Variants in KIF5C observed in about 807,000 individuals in gnomAD.
KIF5C encodes kinesin heavy chain isoform 5C.
In KIF5C, 18 loss-of-function variants were observed where a neutral mutation model predicts 125.2. The ratio of observed to expected loss-of-function variants is 0.14; its 90% CI spans 0.10 to 0.21. KIF5C has a LOEUF of 0.21. Among genes scored for constraint, KIF5C ranks in the 10% least tolerant of loss-of-function variants. The pLI is 1.00. For missense variants in KIF5C, 780 were observed against 1,183.8 expected, an observed-to-expected ratio of 0.66 and a Z score of 5.01; for synonymous variants, 405 against 434.0, an observed-to-expected ratio of 0.93 and a Z score of 0.83.
chr2:148,909,459 A>C (rs561020326), intron 1 of KIF5C, among the ~76,000 whole-genome samples: 3 of 152,228 alleles, frequency 2.0e-5, no homozygotes, highest in Non-Finnish European at 4.4e-5. Flanking sequence ...TCAGAATGAA[A>C]GCTTCGTAAA....
At chr2:148,899,992 C>T (rs571828118) in intron 1 of KIF5C, among the ~76,000 whole-genome samples, 2 of 152,316 alleles carry the variant, frequency 1.3e-5, no homozygotes, top group African/African-American at 4.8e-5. Flanking sequence ...TCAGCTCAAA[C>T]CGATGCAGAG....
At chr2:148,881,426 TTC>T (rs1325977750) in intron 1 of KIF5C, among the ~76,000 whole-genome samples, 1 of 152,184 alleles carries the variant, frequency 6.6e-6, no homozygotes, top group African/African-American at 2.4e-5. Context: ...CTTTTTCTTT[TTC>T]TTTTTTTAAT....
chr2:148,914,069 T>C (rs1574731515), intron 1 of KIF5C, among the ~76,000 whole-genome samples: 1 of 152,228 alleles, frequency 6.6e-6, no homozygotes, highest in East Asian at 1.9e-4. Context: ...ATTATTGTGA[T>C]AGCTTGTTAG....
intron 15 of KIF5C, among the ~76,000 whole-genome samples, chr2:148,986,524 A>T (rs1297365958): frequency 6.6e-6 from 1 of 152,218 alleles, no homozygotes; most frequent in Non-Finnish European, 1.5e-5. Context: ...CTCAGAAATT[A>T]CTTGACTTCT....
Position 148,981,516 on chromosome 2 carries a change from G to A in KIF5C, c.1524G>A (p.Lys508=). The A allele has an allele frequency of 6.2e-7, 1 of 1,606,050 alleles. No individual in the cohort carries two copies. Among genetic ancestry groups the A allele is most frequent in the Non-Finnish European group, 8.5e-7 (1 of 1,176,326 alleles). The change falls in exon 14 of 26, where the codon AAG becomes AAA. Residue 508 remains lysine, a synonymous_variant. Transcript: ENST00000435030. Reference sequence around the variant, plus strand: ...AGAAATCACAGGAAGTGGAGGATAAGACCCGGGCCAATGAGCAGCTGACAG... The same window carrying A: ...AGAAATCACAGGAAGTGGAGGATAAAACCCGGGCCAATGAGCAGCTGACAG... ...YDQKSQEVED[K]TRANEQLTDE...
At chr2:149,010,003 T>C in intron 23 of KIF5C, 132 bp from the exon 24 acceptor site, 1 of 1,375,910 alleles carries the variant, frequency 7.3e-7, no homozygotes, top group Non-Finnish European at 9.6e-7. Flanking sequence ...TTCCTTTCTG[T>C]GGTTGTACGG....
At chr2:148,967,369 A>C (rs1054049291) in intron 11 of KIF5C, among the ~76,000 whole-genome samples, 1 of 152,238 alleles carries the variant, frequency 6.6e-6, no homozygotes, top group African/African-American at 2.4e-5. Flanking sequence ...TCAGGGATAC[A>C]GGCAGCAGAG....
intron 10 of KIF5C, among the ~76,000 whole-genome samples, chr2:148,955,389 C>T (rs1339844611): frequency 6.6e-5 from 10 of 152,096 alleles, no homozygotes; most frequent in Non-Finnish European, 8.8e-5. Context: ...ATAATAAGGG[C>T]GAGCATCATC....
chr2:148,887,103 G>C (rs1286039831), intron 1 of KIF5C, among the ~76,000 whole-genome samples: 1 of 152,114 alleles, frequency 6.6e-6, no homozygotes, highest in Non-Finnish European at 1.5e-5. Context: ...GTATAAAATA[G>C]CCATCAAATT....
intron 2 of KIF5C, among the ~76,000 whole-genome samples, chr2:148,928,885 AT>A (rs754049985): frequency 5.3e-5 from 8 of 152,214 alleles, no homozygotes; most frequent in Non-Finnish European, 1.0e-4. Context: ...CAGGAAAGAA[AT>A]TCTGTTCTTC....
chr2:148,991,256 A>G, intron 16 of KIF5C, 58 bp downstream of exon 16: 2 of 1,560,982 alleles, frequency 1.3e-6, no homozygotes, highest in East Asian at 2.3e-5. Context: ...TGCTCCCTCC[A>G]TGCCCTTGCT....
chr2:149,001,642 G>A (rs1464251588), intron 21 of KIF5C, among the ~76,000 whole-genome samples: 3 of 152,132 alleles, frequency 2.0e-5, no homozygotes, highest in Non-Finnish European at 4.4e-5. Flanking sequence ...TCCTCTGGTC[G>A]GCTTCCATTT....
intron 3 of KIF5C, among the ~76,000 whole-genome samples, chr2:148,934,828 C>T (rs1325148930): frequency 6.6e-6 from 1 of 151,920 alleles, no homozygotes; most frequent in Non-Finnish European, 1.5e-5. Context: ...CCTCACACCC[C>T]ACACGTATAT....
chr2:148,880,305 G>A (rs1681310239), intron 1 of KIF5C, among the ~76,000 whole-genome samples: 1 of 152,148 alleles, frequency 6.6e-6, no homozygotes, highest in African/African-American at 2.4e-5. Flanking sequence ...ATTTTTAGTA[G>A]AGATGGGGTT....
At chr2:148,957,802 A>AAT (rs559040766) in intron 10 of KIF5C, among the ~76,000 whole-genome samples, 294 of 152,040 alleles carry the variant, frequency 1.9e-3, no homozygotes, top group Non-Finnish European at 3.2e-3. Flanking sequence ...TTTTTTTATA[A>AAT]ATATATATAC....
intron 1 of KIF5C, among the ~76,000 whole-genome samples, chr2:148,909,697 C>G (rs1044996096): frequency 6.6e-6 from 1 of 152,154 alleles, no homozygotes; most frequent in Non-Finnish European, 1.5e-5. Flanking sequence ...AAAGAGAGCT[C>G]TCAGCACTAT....
At chr2:149,004,661 A>G (rs1681952476) in intron 21 of KIF5C, among the ~76,000 whole-genome samples, 1 of 152,244 alleles carries the variant, frequency 6.6e-6, no homozygotes, top group Non-Finnish European at 1.5e-5. Flanking sequence ...TTATGTTATG[A>G]AATATGCATC....
At chr2:148,919,436 G>T (rs1245297282) in intron 1 of KIF5C, among the ~76,000 whole-genome samples, 1 of 152,196 alleles carries the variant, frequency 6.6e-6, no homozygotes, top group Non-Finnish European at 1.5e-5. Flanking sequence ...CATTTGAAAA[G>T]TGTATTCTGT....
At chr2:148,878,449 G>A (rs574368183) in intron 1 of KIF5C, 1 of 152,342 alleles carries the variant, frequency 6.6e-6, no homozygotes. Flanking sequence ...TCTACTGACT[G>A]TTGATGGATA....
Sources: allele counts gnomAD v4.1 joint callset (sites outside exome capture counted in the v4.1 genomes callset), GRCh38; gene constraint gnomAD v4.1.1; transcripts MANE v1.5; gene names NCBI Gene and HGNC (gene_info 2026-07-23, HGNC 2026-07-21).